Variants in PREX2 observed in about 807,000 individuals in gnomAD.
PREX2 encodes the protein phosphatidylinositol-3,4,5-trisphosphate dependent Rac exchange factor 2.
In PREX2, 107 loss-of-function variants were observed where a neutral mutation model predicts 203.2. The observed-to-expected ratio is 0.53, with a 90% CI of 0.45 to 0.62. The LOEUF is 0.62. PREX2 is among the 20% of genes least tolerant of loss of function. The probability of loss-of-function intolerance (pLI) is 0.00; values close to 1 mark genes in which losing one functional copy is unlikely to be tolerated. For synonymous variants in PREX2, 672 were observed against 663.6 expected (o/e 1.01, Z -0.19); for missense variants, 1,777 against 1,955.9 (o/e 0.91, Z 1.72).
In PREX2 at chr8:68,127,376, A is replaced by G; in HGVS notation, c.3725-2A>G. 1 of 1,602,728 alleles carries G rather than the reference A, an allele frequency of 6.2e-7. No individual in the cohort carries two copies. The highest frequency in any genetic ancestry group is 8.5e-7 in the Non-Finnish European group (1 of 1,171,756). ...TAACTGATGTGTTTTCTTTCTCTGCAGAGGTAAAGTGTAGGCTACTCCTGG... is the reference window on the plus strand; with the variant it reads ...TAACTGATGTGTTTTCTTTCTCTGCGGAGGTAAAGTGTAGGCTACTCCTGG... On this transcript the variant is annotated splice_acceptor_variant, in intron 30 of 39. Coordinates refer to ENST00000288368, the MANE Select transcript of PREX2 (RefSeq NM_024870.4). LOFTEE classifies it high-confidence loss of function.
intron 31 of PREX2, 69 bp downstream of exon 31, chr8:68,127,488 A>G: frequency 9.3e-7 from 1 of 1,075,208 alleles, no homozygotes; most frequent in Non-Finnish European, 1.4e-6. Flanking sequence ...AAGGCCTTGA[A>G]ATTTGAGGAC....
intron 7 of PREX2, among the ~76,000 whole-genome samples, chr8:68,040,553 C>G (rs1000009479): frequency 1.3e-5 from 2 of 152,154 alleles, no homozygotes; most frequent in East Asian, 3.8e-4. Flanking sequence ...TTTGAGATTT[C>G]CATGGCCAGA....
At chr8:68,106,908 A>T (rs1030094962) in intron 23 of PREX2, among the ~76,000 whole-genome samples, 4 of 152,242 alleles carry the variant, frequency 2.6e-5, no homozygotes, top group Admixed American at 6.5e-5. Context: ...ACATCATATC[A>T]GTTATTGTGA....
At chr8:68,137,735 C>T (rs951487792) in intron 32 of PREX2, among the ~76,000 whole-genome samples, 2 of 152,150 alleles carry the variant, frequency 1.3e-5, no homozygotes, top group African/African-American at 4.8e-5. Flanking sequence ...ATCACTGAGA[C>T]ACACACTAAC....
chr8:68,148,296 G>A (rs1038746243), intron 34 of PREX2, among the ~76,000 whole-genome samples: 2 of 152,152 alleles, frequency 1.3e-5, no homozygotes, highest in East Asian at 3.9e-4. Flanking sequence ...GATAGTTTGA[G>A]AAGATAGGGA....
intron 35 of PREX2, among the ~76,000 whole-genome samples, chr8:68,167,713 A>G (rs1296406924): frequency 1.3e-5 from 2 of 152,146 alleles, no homozygotes; most frequent in Non-Finnish European, 2.9e-5. Flanking sequence ...AACTGTTTAT[A>G]AAACTACTCT....
chr8:68,235,938 A>T lies in PREX2; in HGVS notation c.*4560A>T, dbSNP rs893998568. ...AGGATAGCTTGCTCCTCTCGCTGAGAAGAGATACCTGAAGTCTACTAAGTC... is the reference window on the plus strand; with the variant it reads ...AGGATAGCTTGCTCCTCTCGCTGAGTAGAGATACCTGAAGTCTACTAAGTC... On this transcript the variant is annotated 3_prime_UTR_variant, in exon 40 of 40. Coordinates refer to ENST00000288368, the MANE Select transcript of PREX2 (RefSeq NM_024870.4). 1 of 152,176 alleles carries T rather than the reference A, an allele frequency of 6.6e-6. No individual in the cohort carries two copies. Among genetic ancestry groups the T allele is most frequent in the African/African-American group, 2.4e-5 (1 of 41,446 alleles). 9.4% of individuals were successfully genotyped at this position (152,176 alleles called of 1,614,324 possible). A position where few individuals can be genotyped will look rare whatever the true frequency, so the allele number is the denominator to read the frequency against.
At chr8:68,089,405 C>A (rs984238314) in intron 19 of PREX2, among the ~76,000 whole-genome samples, 1 of 152,106 alleles carries the variant, frequency 6.6e-6, no homozygotes, top group Admixed American at 6.5e-5. Context: ...ACAGGAAGCC[C>A]TCGGAGTCTT....
chr8:68,187,320 T>C (rs1266190215), intron 35 of PREX2, among the ~76,000 whole-genome samples: 1 of 152,198 alleles, frequency 6.6e-6, no homozygotes, highest in African/African-American at 2.4e-5. Context: ...CTACTTAATT[T>C]TTATTTCTTA....
chr8:67,955,093 G>A (rs1321419020), intron 1 of PREX2, among the ~76,000 whole-genome samples: 2 of 135,158 alleles, frequency 1.5e-5, no homozygotes, highest in Non-Finnish European at 1.5e-5. Flanking sequence ...GCAGTGAGCC[G>A]AGATAATGCC....
intron 33 of PREX2, among the ~76,000 whole-genome samples, chr8:68,138,825 TTTG>T (rs1417895155): frequency 6.6e-6 from 1 of 152,156 alleles, no homozygotes; most frequent in Non-Finnish European, 1.5e-5. Context: ...TCTTCAGTAG[TTTG>T]TTATTATTTT....
At chr8:68,130,479 A>G (rs1810985306) in intron 31 of PREX2, among the ~76,000 whole-genome samples, 1 of 152,172 alleles carries the variant, frequency 6.6e-6, no homozygotes, top group Non-Finnish European at 1.5e-5. Context: ...AATAAAGCTG[A>G]GCACCTACTC....
intron 35 of PREX2, among the ~76,000 whole-genome samples, chr8:68,166,832 GC>G (rs2129614130): frequency 6.6e-6 from 1 of 151,998 alleles, no homozygotes; most frequent in South Asian, 2.1e-4. Flanking sequence ...AGGTGTGATA[GC>G]CCAGTTATTC....
At chr8:68,211,355 A>T (rs759707253) in intron 37 of PREX2, among the ~76,000 whole-genome samples, 5 of 152,206 alleles carry the variant, frequency 3.3e-5, no homozygotes, top group Non-Finnish European at 7.4e-5. Flanking sequence ...TTTAATGAAC[A>T]TCTCTTTAGA....
intron 35 of PREX2, among the ~76,000 whole-genome samples, chr8:68,179,990 C>T (rs2129614413): frequency 6.6e-6 from 1 of 152,090 alleles, no homozygotes; most frequent in East Asian, 1.9e-4. Flanking sequence ...CTCTATTTCT[C>T]CTCTTCCCAC....
chr8:68,030,691 G>C, intron 6 of PREX2, 33 bp downstream of exon 6: 1 of 1,609,678 alleles, frequency 6.2e-7, no homozygotes, highest in Non-Finnish European at 8.5e-7. Context: ...TCGAGCTTAA[G>C]ATAGTTTTAT....
At chr8:68,070,222 A>G (rs1057388062) in intron 13 of PREX2, among the ~76,000 whole-genome samples, 3 of 151,824 alleles carry the variant, frequency 2.0e-5, no homozygotes, top group East Asian at 1.9e-4. Context: ...CATATTTGCC[A>G]TTATTATTAC....
At chr8:68,174,204 T>G (rs1054546636) in intron 35 of PREX2, among the ~76,000 whole-genome samples, 2 of 152,264 alleles carry the variant, frequency 1.3e-5, no homozygotes, top group Admixed American at 1.3e-4. Flanking sequence ...CAAAGCTTTA[T>G]CCCTGCACCT....
intron 12 of PREX2, 120 bp from the exon 13 acceptor site, chr8:68,069,715 G>C: frequency 1.9e-6 from 1 of 519,396 alleles, no homozygotes; most frequent in Non-Finnish European, 3.5e-6. Flanking sequence ...TTTTTAAATT[G>C]GTTTAGATTT....
Sources: gnomAD v4.1 joint callset for allele counts (sites outside exome capture counted in the v4.1 genomes callset) on GRCh38, gnomAD v4.1.1 for gene constraint, MANE v1.5 for transcripts, NCBI Gene and HGNC (gene_info 2026-07-23, HGNC 2026-07-21) for gene names.